LAMA5: variants seen among roughly 807,000 people sequenced by gnomAD.
LAMA5 encodes laminin subunit alpha-5.
In LAMA5, 260 loss-of-function variants were observed where a neutral mutation model predicts 433.4. That is an observed-to-expected ratio of 0.60 (90% CI 0.54 to 0.66). LAMA5 has a LOEUF of 0.66. Ranked by LOEUF, LAMA5 falls within the 30% of genes least tolerant of loss-of-function variation. The pLI is 0.00. For missense variants in LAMA5, 5,378 were observed against 5,258.5 expected (o/e 1.02, Z -0.70); for synonymous variants, 2,620 against 2,226.6 (o/e 1.18, Z -4.97).
rs373846217 is a variant in LAMA5, at chr20:62,313,189, C to T, written c.8854G>A (p.Ala2952Thr). 1.1e-5 allele frequency: 18 copies of T among 1,571,032 alleles called. No homozygotes were observed. In the Admixed American group the frequency reaches 1.3e-4, roughly 11 times the overall value. The change falls in exon 65 of 80, where the codon GCC (alanine) becomes ACC (threonine). Residue 2952 changes from alanine to threonine, a missense_variant. Ala to Thr is a moderately conservative substitution (Grantham distance 58). Coordinates refer to ENST00000252999, the MANE Select transcript of LAMA5 (RefSeq NM_005560.6). Reference protein sequence around the residue: ...DGSYLDGTGFARISFDSQIST... With the variant: ...DGSYLDGTGFTRISFDSQIST... ...ATCTGACTGTCGAAGCTGATGCGGG[C>T]GAAGCCGGTGCCGTCCAGGTAGGAG...
rs1009697049 is a variant in LAMA5 at position 62,317,114 on chromosome 20, C to T, written c.7512-91G>A. On this transcript the variant is annotated intron_variant, in intron 55 of 79. Coordinates refer to ENST00000252999, the MANE Select transcript of LAMA5 (RefSeq NM_005560.6). ...TCCTGCGCTCACAACCAGCCGTGCC[C>T]GTGCCTGCCCGCCAAGTCCCGCCTC... 1.4e-4 allele frequency: 194 copies of T among 1,397,886 alleles called. 1 individual carries two copies. The highest frequency in any genetic ancestry group is 6.9e-4 in the Admixed American group (24 of 34,630). 86.6% of individuals were successfully genotyped at this position (1,397,886 alleles called of 1,614,324 possible).
intron 24 of LAMA5, 41 bp downstream of exon 24, chr20:62,333,523 C>G: frequency 1.3e-6 from 2 of 1,581,046 alleles, no homozygotes; most frequent in Non-Finnish European, 1.7e-6. Flanking sequence ...GGCCCCACCC[C>G]CTGACCCGGC....
chr20:62,358,252 A>T (rs918253018), intron 2 of LAMA5, among the ~76,000 whole-genome samples: 1 of 152,174 alleles, frequency 6.6e-6, no homozygotes, highest in East Asian at 1.9e-4. Context: ...TCCTCCTTCC[A>T]GGACACGTAG....
chr20:62,348,541 A>G (rs1983714369), intron 6 of LAMA5, among the ~76,000 whole-genome samples: 1 of 152,140 alleles, frequency 6.6e-6, no homozygotes, highest in Non-Finnish European at 1.5e-5. Context: ...TGGGAGGTGG[A>G]GCTTGCAGTG....
chr20:62,334,431 T>C, intron 21 of LAMA5, 89 bp from the exon 22 acceptor site: 1 of 1,514,364 alleles, frequency 6.6e-7, no homozygotes, highest in South Asian at 1.2e-5. Flanking sequence ...GGGTGAGGCC[T>C]CACGTGGGCC....
Position 62,310,922 on chromosome 20 carries a change from G to T in LAMA5, c.10261C>A (p.Arg3421=), listed in dbSNP as rs201094237. 1,576 of 1,610,694 alleles carry T rather than the reference G, an allele frequency of 9.8e-4. 21 individuals carry two copies. The Middle Eastern group carries it at 0.01, about 10-fold the overall frequency. ...RLRAQSRQRS[R]PGRWHKVSVR... ...CTCACCTTGTGCCAGCGGCCAGGCC[G>T]GGAGCGCTGGCGGCTCTGGGCGCGG... is the stretch of plus-strand genomic sequence containing the variant. The change falls in exon 74 of 80, where the codon CGG becomes AGG. Residue 3421 remains arginine, a synonymous_variant. Coordinates refer to ENST00000252999, the MANE Select transcript of LAMA5 (RefSeq NM_005560.6).
rs1443556016 is a variant in LAMA5 at position 62,320,907 on chromosome 20, G to T, written c.6497-17C>A. ...GGTCACACACTGCAGGCGATGTGGG[G>T]TCACAGGTCAGTGTCATTGGGTCAG... On this transcript the variant is annotated splice_polypyrimidine_tract_variant and intron_variant, in intron 48 of 79. Coordinates refer to ENST00000252999, the MANE Select transcript of LAMA5 (RefSeq NM_005560.6). 6.3e-7 allele frequency: 1 copy of T among 1,599,938 alleles called. No homozygotes were observed.
At chr20:62,315,003 G>A in intron 59 of LAMA5, 25 bp downstream of exon 59, 3 of 1,577,968 alleles carry the variant, frequency 1.9e-6, no homozygotes, top group Non-Finnish European at 2.6e-6. Flanking sequence ...CTCCATCAGG[G>A]GCACCGCGAG....
At chr20:62,321,777 G>A (rs1601317837) in intron 48 of LAMA5, among the ~76,000 whole-genome samples, 1 of 142,536 alleles carries the variant, frequency 7.0e-6, no homozygotes. Flanking sequence ...GGGAGGAAGG[G>A]CCAGCAGATG....
chr20:62,349,269 T>TC (rs1306964287), intron 6 of LAMA5, among the ~76,000 whole-genome samples: 9 of 9,944 alleles, frequency 9.1e-4, no homozygotes, highest in Non-Finnish European at 2.3e-3. Context: ...AGACTCCATC[T>TC]CAAAAAAAAA....
Position 62,338,567 on chromosome 20 carries a change from G to T in LAMA5, c.1519C>A (p.Arg507=), listed in dbSNP as rs531045232. 1.9e-6 allele frequency: 3 copies of T among 1,611,058 alleles called. No individual in the cohort carries two copies. Among genetic ancestry groups the T allele is most frequent in the African/African-American group, 2.7e-5 (2 of 74,906 alleles). Residue 507 remains arginine, a synonymous_variant, in exon 12 of 80, where the codon CGG becomes AGG. Transcript: ENST00000252999. ...SAAGTQGNAC[R]KDPRVGRCLC... is the part of the protein sequence containing the mutation. ...CAGCGTCCCACCCTTGGGTCCTTCC[G>T]GCAGGCGTTGCCCTGGGTCCCTGCC... is the stretch of plus-strand genomic sequence containing the variant.
At position 62,334,606 on chromosome 20, in the gene LAMA5, A is replaced by G. The variant is rs1177009235; in HGVS notation, c.2498T>C (p.Ile833Thr). 4.5e-6 allele frequency: 7 copies of G among 1,547,302 alleles called. No homozygotes were observed. Among genetic ancestry groups the G allele is most frequent in the Middle Eastern group, 1.7e-4 (1 of 5,952 alleles). ...YFGCRSCRCD[I>T]GGALGQSCEP... ...ACAGCTCTGGCCCAGTGCACCGCCA[A>G]TGTCACACCGGCAGCCTGCAGGGAG... The change falls in exon 21 of 80, where the codon ATT (isoleucine) becomes ACT (threonine). Residue 833 changes from isoleucine (I) to threonine (T), a missense_variant. Coordinates refer to ENST00000252999, the MANE Select transcript of LAMA5 (RefSeq NM_005560.6).
At chr20:62,348,684 T>A (rs538864179) in intron 6 of LAMA5, among the ~76,000 whole-genome samples, 45 of 151,740 alleles carry the variant, frequency 3.0e-4, no homozygotes, top group Non-Finnish European at 5.7e-4. Flanking sequence ...AACAGGCAGA[T>A]GTGAAAAAGA....
intron 2 of LAMA5, among the ~76,000 whole-genome samples, chr20:62,356,912 T>G (rs1343353005): frequency 1.3e-5 from 2 of 152,226 alleles, no homozygotes; most frequent in South Asian, 4.1e-4. Flanking sequence ...CCACTGGAGC[T>G]GCCCCACTCA....
intron 6 of LAMA5, 101 bp from the exon 7 acceptor site, chr20:62,347,129 G>A: frequency 3.4e-6 from 3 of 871,734 alleles, no homozygotes; most frequent in Non-Finnish European, 5.4e-6. Flanking sequence ...CGATGGCTTG[G>A]CTTGCCACAT....
Position 62,334,325 on chromosome 20 carries a change from T to C in LAMA5, c.2600A>G (p.Tyr867Cys). The C allele has an allele frequency of 6.2e-7, 1 of 1,605,798 alleles. No individual in the cohort carries two copies. Among genetic ancestry groups the C allele is most frequent in the Non-Finnish European group, 8.5e-7 (1 of 1,176,958 alleles). ...GCGCAGGTGGTGCAGGTCCGGGAGG[T>C]AGTGGTCCCTCGCAGGCCTGGCCAC... The part of the protein sequence containing the change: ...PTCSEPARDH[Y>C]LPDLHHLRLE... The change falls in exon 22 of 80, where the codon TAC becomes TGC. Residue 867 changes from tyrosine (Y) to cysteine (C), a missense_variant. By Grantham distance (194) the Tyr-to-Cys change is radical (BLOSUM62 -2). Coordinates refer to ENST00000252999, the MANE Select transcript of LAMA5 (RefSeq NM_005560.6).
intron 6 of LAMA5, chr20:62,351,324 G>A (rs112318531): frequency 9.0e-6 from 3 of 334,704 alleles, no homozygotes; most frequent in South Asian, 4.8e-5. Context: ...TCCATTCCGG[G>A]GGATGCAGTC....
chr20:62,317,513 G>A lies in LAMA5; in HGVS notation c.7357-14C>T, dbSNP rs779570055. ...GCGCTCCAGCTCCTGGAATTTGAGT[G>A]GACTTAGCCCCTCATCCTGCTCACA... On this transcript the variant is annotated splice_polypyrimidine_tract_variant and intron_variant, in intron 54 of 79. Coordinates refer to ENST00000252999, the MANE Select transcript of LAMA5 (RefSeq NM_005560.6). The A allele has an allele frequency of 6.5e-7, 1 of 1,537,708 alleles. No homozygotes were observed. The highest frequency in any genetic ancestry group is 1.9e-5 in the Admixed American group (1 of 51,826).
rs778432416 is a variant in LAMA5, at chr20:62,336,405, G to A, written c.2258C>T (p.Pro753Leu). ...CCCAGGTTTGCAGCGGTCACAGCTC[G>A]GCCCCTCCACGTGAGCCCGGCACAT... ...PCMCRAHVEGPSCDRCKPGFW... is the reference protein window; with the variant it reads ...PCMCRAHVEGLSCDRCKPGFW... The change falls in exon 18 of 80, where the codon CCG becomes CTG. Residue 753 changes from proline (P) to leucine (L), a missense_variant. By Grantham distance (98) the Pro-to-Leu change is moderately conservative (BLOSUM62 -3). Coordinates refer to ENST00000252999, the MANE Select transcript of LAMA5 (RefSeq NM_005560.6). 2.1e-5 allele frequency: 34 copies of A among 1,612,454 alleles called. No homozygotes were observed. Among genetic ancestry groups the A allele is most frequent in the Admixed American group, 2.0e-4 (12 of 59,974 alleles).
Sources: allele counts gnomAD v4.1 joint callset (sites outside exome capture counted in the v4.1 genomes callset), GRCh38; gene constraint gnomAD v4.1.1; transcripts MANE v1.5; gene names NCBI Gene and HGNC (gene_info 2026-07-23, HGNC 2026-07-21).